SPTLC3: variants seen among roughly 807,000 people sequenced by gnomAD.
SPTLC3 encodes the protein serine palmitoyltransferase long chain base subunit 3, also known as serine palmitoyltransferase 3.
A neutral mutation model predicts 59.3 loss-of-function variants in SPTLC3; 36 were observed. The ratio of observed to expected loss-of-function variants is 0.61; its 90% CI spans 0.47 to 0.80. SPTLC3 has a LOEUF of 0.80. Among genes scored for constraint, SPTLC3 ranks in the 30% least tolerant of loss-of-function variants. The probability of loss-of-function intolerance (pLI) is 0.00; values close to 1 mark genes in which losing one functional copy is unlikely to be tolerated. For missense variants in SPTLC3, 625 were observed against 685.1 expected (o/e 0.91, Z 0.98); for synonymous variants, 257 against 240.8 (o/e 1.07, Z -0.62).
intron 2 of SPTLC3, among the ~76,000 whole-genome samples, chr20:13,053,153 G>A (rs957314812): frequency 3.3e-5 from 5 of 152,146 alleles, no homozygotes; most frequent in African/African-American, 1.2e-4. Flanking sequence ...GCTCCGGCTG[G>A]CATCTGGTGG....
At chr20:13,082,119 A>G (rs1436859001) in intron 4 of SPTLC3, among the ~76,000 whole-genome samples, 3 of 152,246 alleles carry the variant, frequency 2.0e-5, no homozygotes, top group Non-Finnish European at 4.4e-5. Flanking sequence ...AATTTTACAT[A>G]AGTATAATAC....
chr20:13,110,893 A>G (rs1990195258), intron 7 of SPTLC3, among the ~76,000 whole-genome samples: 1 of 152,124 alleles, frequency 6.6e-6, no homozygotes, highest in African/African-American at 2.4e-5. Flanking sequence ...ATTAAAAGGA[A>G]GGAAGTGAAG....
chr20:13,070,260 A>G (rs1600249889), intron 2 of SPTLC3, among the ~76,000 whole-genome samples: 1 of 152,308 alleles, frequency 6.6e-6, no homozygotes, highest in East Asian at 1.9e-4. Flanking sequence ...TTGCCCGACC[A>G]TCCTTCAAAT....
rs34805419 is a variant in SPTLC3, at chr20:13,076,619, C to CAAA, written c.607+2130_607+2132dup. ...ACTTAGATGACAGATATTATTTTGA[C>CAAA]AAAAAAAAAATGTACCTAAAACAGA... On this transcript the variant is annotated intron_variant, in intron 4 of 11. Coordinates refer to ENST00000399002, the MANE Select transcript of SPTLC3 (RefSeq NM_018327.4). Among the ~76,000 whole-genome samples, 1,199 of 146,578 alleles carry CAAA rather than the reference C, an allele frequency of 8.2e-3. 11 individuals carry two copies. Among genetic ancestry groups the CAAA allele is most frequent in the African/African-American group, 0.028 (1,117 of 40,290 alleles).
chr20:13,163,632 C>G (rs2038940408), intron 11 of SPTLC3, among the ~76,000 whole-genome samples: 1 of 151,872 alleles, frequency 6.6e-6, no homozygotes, highest in South Asian at 2.1e-4. Context: ...TACTCATACT[C>G]CTACCACCAA....
At chr20:13,149,164 T>A (rs1458893151) in intron 9 of SPTLC3, among the ~76,000 whole-genome samples, 1 of 152,210 alleles carries the variant, frequency 6.6e-6, no homozygotes, top group African/African-American at 2.4e-5. Flanking sequence ...ATTATTTCAT[T>A]CACTTATTTA....
intron 1 of SPTLC3, among the ~76,000 whole-genome samples, chr20:13,021,904 G>A (rs1479556086): frequency 6.6e-6 from 1 of 152,172 alleles, no homozygotes; most frequent in African/African-American, 2.4e-5. Flanking sequence ...GATAGATATA[G>A]ATAAGTAGAT....
At chr20:13,053,529 G>C (rs568232804) in intron 2 of SPTLC3, among the ~76,000 whole-genome samples, 2 of 152,212 alleles carry the variant, frequency 1.3e-5, no homozygotes, top group South Asian at 4.2e-4. Flanking sequence ...AAAACTGGAC[G>C]GAGAATGAGT....
chr20:13,079,946 A>G (rs1988782302), intron 4 of SPTLC3: 4 of 313,232 alleles, frequency 1.3e-5, no homozygotes, highest in Non-Finnish European at 6.6e-6. Flanking sequence ...TTCTGACAGT[A>G]GTCTATTTTG....
intron 6 of SPTLC3, among the ~76,000 whole-genome samples, chr20:13,108,580 T>C (rs973056005): frequency 1.3e-4 from 20 of 152,202 alleles, no homozygotes; most frequent in African/African-American, 4.6e-4. Context: ...GATTTATCTT[T>C]TTTTTTCACT....
rs531799064 is a variant in SPTLC3 at position 13,129,458 on chromosome 20, A to G, written c.1279+2741A>G. Among the ~76,000 whole-genome samples, 13 of 152,292 alleles carry G rather than the reference A, an allele frequency of 8.5e-5. No homozygotes were observed. The South Asian group carries it at 2.7e-3, about 32-fold the overall frequency. The stretch of plus-strand genomic sequence containing the variant: ...TTAAACTTCAAGTGTTTCTTAATGG[A>G]AAATCAATTATTTGAGATTTAAGCA... On this transcript the variant is annotated intron_variant, in intron 9 of 11. Transcript: ENST00000399002.
chr20:13,059,655 G>C (rs1247539508), intron 2 of SPTLC3, among the ~76,000 whole-genome samples: 2 of 152,080 alleles, frequency 1.3e-5, no homozygotes, highest in Non-Finnish European at 2.9e-5. Flanking sequence ...TACAACCTTG[G>C]CTGCACATTG....
chr20:13,127,072 G>A lies in SPTLC3; in HGVS notation c.1279+355G>A, dbSNP rs531070046. Among the ~76,000 whole-genome samples the A allele has an allele frequency of 3.3e-5, 5 of 152,322 alleles. No homozygotes were observed. The South Asian group carries it at 8.3e-4, about 25-fold the overall frequency. On this transcript the variant is annotated intron_variant, in intron 9 of 11. Coordinates refer to ENST00000399002, the MANE Select transcript of SPTLC3 (RefSeq NM_018327.4). ...TCACTTGTGTTTCCCTAAGACCAAAGTAGCCAATTTAATATCCAATTTTTC... is the reference window on the plus strand; with the variant it reads ...TCACTTGTGTTTCCCTAAGACCAAAATAGCCAATTTAATATCCAATTTTTC...
chr20:13,053,324 A>G (rs1987576705), intron 2 of SPTLC3, among the ~76,000 whole-genome samples: 1 of 152,178 alleles, frequency 6.6e-6, no homozygotes, highest in Non-Finnish European at 1.5e-5. Flanking sequence ...AAGGAAAACT[A>G]ACAAAACAGA....
chr20:13,025,529 G>A (rs1317601450), intron 1 of SPTLC3, among the ~76,000 whole-genome samples: 1 of 152,102 alleles, frequency 6.6e-6, no homozygotes, highest in Non-Finnish European at 1.5e-5. Context: ...CCTATTGGAT[G>A]GTGGTGAGAA....
chr20:13,054,375 C>T (rs1987629649), intron 2 of SPTLC3, among the ~76,000 whole-genome samples: 2 of 152,030 alleles, frequency 1.3e-5, no homozygotes, highest in African/African-American at 4.8e-5. Context: ...ATTCTGTCTA[C>T]CCTGTGAGAA....
intron 2 of SPTLC3, among the ~76,000 whole-genome samples, chr20:13,060,814 T>TTGTGTG (rs58161980): frequency 0.016 from 2,366 of 150,724 alleles, 15 homozygotes; most frequent in Middle Eastern, 0.088. Context: ...TGGTATTCCA[T>TTGTGTG]TGTGTGTGTG....
At chr20:13,128,498 C>A (rs1485952256) in intron 9 of SPTLC3, among the ~76,000 whole-genome samples, 1 of 152,122 alleles carries the variant, frequency 6.6e-6, no homozygotes, top group Non-Finnish European at 1.5e-5. Context: ...CACATGGCCC[C>A]CATGGTTACC....
intron 9 of SPTLC3, among the ~76,000 whole-genome samples, chr20:13,133,804 A>G (rs1380932500): frequency 2.0e-5 from 3 of 152,204 alleles, no homozygotes; most frequent in Non-Finnish European, 4.4e-5. Context: ...TAGGCTGGAC[A>G]GGAGAACTGC....
Sources: allele counts gnomAD v4.1 joint callset (sites outside exome capture counted in the v4.1 genomes callset), GRCh38; gene constraint gnomAD v4.1.1; transcripts MANE v1.5; gene names NCBI Gene and HGNC (gene_info 2026-07-23, HGNC 2026-07-21).